The following KCTD5 variants were observed in gnomAD, a reference collection of about 807,000 sequenced individuals.
KCTD5 encodes the protein BTB/POZ domain-containing protein KCTD5.
A neutral mutation model predicts 27.9 loss-of-function variants in KCTD5; 12 were observed. The observed-to-expected ratio is 0.43, with a 90% CI of 0.28 to 0.70. The LOEUF (loss-of-function observed/expected upper bound fraction) is 0.70, where lower values mean the gene tolerates loss of function less well. Among genes scored for constraint, KCTD5 ranks in the 30% least tolerant of loss-of-function variants. The probability of loss-of-function intolerance (pLI) is 0.19; values close to 1 mark genes in which losing one functional copy is unlikely to be tolerated. For synonymous variants in KCTD5, 147 were observed against 121.4 expected, an observed-to-expected ratio of 1.21 and a Z score of -1.39; for missense variants, 226 against 274.8, an observed-to-expected ratio of 0.82 and a Z score of 1.26.
intron 5 of KCTD5, 99 bp from the exon 6 acceptor site, chr16:2,707,199 C>G: frequency 8.4e-7 from 1 of 1,194,878 alleles, no homozygotes; most frequent in Non-Finnish European, 1.2e-6. Flanking sequence ...GCTCCCCGAG[C>G]TAACCCCAGG....
chr16:2,697,590 A>T (rs1430468880), intron 2 of KCTD5, among the ~76,000 whole-genome samples: 1 of 152,238 alleles, frequency 6.6e-6, no homozygotes, highest in African/African-American at 2.4e-5. Flanking sequence ...ACATACGCTG[A>T]GCTGCATGTA....
intron 5 of KCTD5, 109 bp downstream of exon 5, chr16:2,702,587 C>T (rs2067617281): frequency 2.1e-6 from 3 of 1,412,924 alleles, no homozygotes; most frequent in East Asian, 4.9e-5. Flanking sequence ...CGGTGTCCGC[C>T]CCTGGTGGCC....
chr16:2,703,070 G>T (rs1481766986), intron 5 of KCTD5, among the ~76,000 whole-genome samples: 1 of 152,218 alleles, frequency 6.6e-6, no homozygotes, highest in Non-Finnish European at 1.5e-5. Flanking sequence ...CTCTGCGGGG[G>T]CTCAGGCCCT....
chr16:2,701,459 C>G (rs984360632), intron 4 of KCTD5, among the ~76,000 whole-genome samples: 1 of 152,198 alleles, frequency 6.6e-6, no homozygotes, highest in African/African-American at 2.4e-5. Flanking sequence ...GACACAGGGG[C>G]TCCGGGGGGC....
In KCTD5 at chr16:2,682,908, C is replaced by T. The variant is rs1171285339; in HGVS notation, c.252+108C>T. On this transcript the variant is annotated intron_variant, in intron 1 of 5. Transcript: ENST00000301738. ...GACTTCAGCGGGAGCGGGCGACTCT[C>T]CTCGGGCTTCGAGCCCCGCGCTCCC... is the stretch of plus-strand genomic sequence containing the variant. 5.2e-6 allele frequency: 7 copies of T among 1,340,646 alleles called. No individual in the cohort carries two copies. The African/African-American group carries it at 6.2e-5, about 12-fold the overall frequency. 83.0% of individuals were successfully genotyped at this position (1,340,646 alleles called of 1,614,324 possible).
At chr16:2,687,082 G>A (rs1451036088) in intron 1 of KCTD5, among the ~76,000 whole-genome samples, 2 of 152,176 alleles carry the variant, frequency 1.3e-5, no homozygotes, top group Non-Finnish European at 2.9e-5. Context: ...CGGTGCTGGG[G>A]GCTCCCCGCT....
intron 5 of KCTD5, among the ~76,000 whole-genome samples, chr16:2,705,045 C>T (rs3785341): frequency 6.6e-5 from 10 of 152,190 alleles, no homozygotes; most frequent in East Asian, 1.9e-4. Flanking sequence ...GGAAGGTCAC[C>T]GGGCGTGGGG....
rs139119909 is a variant in KCTD5 at position 2,691,013 on chromosome 16, G to T, written c.253-4922G>T. On this transcript the variant is annotated intron_variant, in intron 1 of 5. Transcript: ENST00000301738. The stretch of plus-strand genomic sequence containing the variant: ...GCTGGGCACTGTCTGGGCCTGGGCT[G>T]GCACCACGAGTAGCCCCCGCACACA... Among the ~76,000 whole-genome samples, 108 of 152,330 alleles carry T rather than the reference G, an allele frequency of 7.1e-4. 1 individual carries two copies. The highest frequency in any genetic ancestry group is 1.3e-3 in the Non-Finnish European group (91 of 68,022).
intron 1 of KCTD5, among the ~76,000 whole-genome samples, chr16:2,693,586 C>T (rs192839960): frequency 1.4e-4 from 21 of 152,356 alleles, no homozygotes; most frequent in Admixed American, 1.0e-3. Flanking sequence ...GTGCAGTTTC[C>T]GCCGATGGCC....
Position 2,682,932 on chromosome 16 carries a change from C to A in KCTD5, c.252+132C>A. 1.3e-5 allele frequency: 15 copies of A among 1,160,392 alleles called. No individual in the cohort carries two copies. In the South Asian group the frequency reaches 2.7e-4, roughly 21 times the overall value. 71.9% of individuals were successfully genotyped at this position (1,160,392 alleles called of 1,614,324 possible). On this transcript the variant is annotated intron_variant, in intron 1 of 5. Transcript: ENST00000301738. ...TCCTCGGGCTTCGAGCCCCGCGCTC[C>A]CTTGTCGCCAGCTCCTCCCCAGCTT...
chr16:2,688,157 G>A (rs2142052098), intron 1 of KCTD5, among the ~76,000 whole-genome samples: 1 of 151,558 alleles, frequency 6.6e-6, no homozygotes, highest in Non-Finnish European at 1.5e-5. Flanking sequence ...GTGCAGTCAG[G>A]AGAGGTTGTG....
chr16:2,693,947 G>A (rs1217831356), intron 1 of KCTD5, among the ~76,000 whole-genome samples: 2 of 147,382 alleles, frequency 1.4e-5, no homozygotes, highest in Non-Finnish European at 3.0e-5. Context: ...GTTCTCTGGG[G>A]TTGTCCTGGG....
At chr16:2,699,166 C>T (rs887182968) in intron 3 of KCTD5, 17 of 456,022 alleles carry the variant, frequency 3.7e-5, no homozygotes, top group African/African-American at 8.0e-5. Flanking sequence ...GCCCCGTCTG[C>T]AGCCTGAGTC....
At chr16:2,693,152 C>T (rs1046083110) in intron 1 of KCTD5, among the ~76,000 whole-genome samples, 1 of 152,248 alleles carries the variant, frequency 6.6e-6, no homozygotes, top group African/African-American at 2.4e-5. Context: ...ACCCCAGGCC[C>T]CCGAAGCACA....
intron 4 of KCTD5, among the ~76,000 whole-genome samples, chr16:2,700,806 C>G (rs1473807905): frequency 6.6e-6 from 1 of 151,358 alleles, no homozygotes; most frequent in South Asian, 2.1e-4. Context: ...ACTTGGAGCC[C>G]CCCCCCCCTT....
chr16:2,703,037 C>G (rs2067619645), intron 5 of KCTD5, among the ~76,000 whole-genome samples: 1 of 152,210 alleles, frequency 6.6e-6, no homozygotes, highest in African/African-American at 2.4e-5. Flanking sequence ...TTGCGGCACC[C>G]AGCCTGGCAG....
intron 3 of KCTD5, among the ~76,000 whole-genome samples, chr16:2,698,767 C>T (rs1213118362): frequency 6.6e-6 from 1 of 152,226 alleles, no homozygotes; most frequent in African/African-American, 2.4e-5. Flanking sequence ...TGCCCAGTTC[C>T]CCCTCCTGCT....
intron 2 of KCTD5, among the ~76,000 whole-genome samples, chr16:2,696,692 A>T (rs1041659366): frequency 5.3e-5 from 8 of 152,068 alleles, no homozygotes; most frequent in African/African-American, 4.8e-5. Context: ...GTGTCTGCGC[A>T]TCGGTCTGCA....
At chr16:2,699,386 C>T (rs117598966) in intron 3 of KCTD5, 168 of 359,848 alleles carry the variant, frequency 4.7e-4, no homozygotes, top group African/African-American at 2.1e-3. Flanking sequence ...CAGGCTGCCG[C>T]GCAAGTTCAA....
Sources: allele counts gnomAD v4.1 joint callset (sites outside exome capture counted in the v4.1 genomes callset), GRCh38; gene constraint gnomAD v4.1.1; transcripts MANE v1.5; gene names NCBI Gene and HGNC (gene_info 2026-07-23, HGNC 2026-07-21).